EEFSEC: variants seen among roughly 807,000 people sequenced by gnomAD.
EEFSEC encodes eukaryotic elongation factor, selenocysteine-tRNA specific.
A neutral mutation model predicts 42.1 loss-of-function variants in EEFSEC; 43 were observed. The observed-to-expected ratio is 1.02, with a 90% CI of 0.80 to 1.32. The LOEUF (loss-of-function observed/expected upper bound fraction) is 1.32, where lower values mean the gene tolerates loss of function less well. Among genes scored for constraint, EEFSEC ranks in the 40% most tolerant of loss-of-function variants. The pLI is 0.00. For synonymous variants in EEFSEC, 354 were observed against 339.1 expected (o/e 1.04, Z -0.48); for missense variants, 745 against 803.6 (o/e 0.93, Z 0.88).
chr3:128,184,576 A>C (rs1366327169), intron 1 of EEFSEC, among the ~76,000 whole-genome samples: 1 of 152,232 alleles, frequency 6.6e-6, no homozygotes, highest in African/African-American at 2.4e-5. Flanking sequence ...GTAAGTATGT[A>C]AGTATCTATC....
At position 128,190,203 on chromosome 3, in the gene EEFSEC, G is replaced by A. The variant is rs114489372; in HGVS notation, c.316+36380G>A. On this transcript the variant is annotated intron_variant, in intron 1 of 6. Transcript: ENST00000254730. ...AACAACAAAAATTAACTGTAAAACAGCCTCAGGCAGGTCCTTCAGGATGTA... is the reference window on the plus strand; with the variant it reads ...AACAACAAAAATTAACTGTAAAACAACCTCAGGCAGGTCCTTCAGGATGTA... Among the ~76,000 whole-genome samples, 822 of 152,302 alleles carry A rather than the reference G, an allele frequency of 5.4e-3. 5 individuals are homozygous for A. The highest frequency in any genetic ancestry group is 0.019 in the African/African-American group (774 of 41,554).
intron 1 of EEFSEC, among the ~76,000 whole-genome samples, chr3:128,206,627 G>A (rs890921248): frequency 6.6e-6 from 1 of 152,218 alleles, no homozygotes; most frequent in Non-Finnish European, 1.5e-5. Context: ...TCTGTGTGAA[G>A]AGGTGAAAAC....
intron 4 of EEFSEC, among the ~76,000 whole-genome samples, chr3:128,280,714 C>T (rs966265314): frequency 3.1e-4 from 47 of 152,320 alleles, no homozygotes; most frequent in Admixed American, 5.9e-4. Context: ...AGCTGGGGCT[C>T]GCACAGCAAG....
At chr3:128,213,155 G>A (rs2065776442) in intron 1 of EEFSEC, among the ~76,000 whole-genome samples, 2 of 152,340 alleles carry the variant, frequency 1.3e-5, no homozygotes, top group Admixed American at 6.5e-5. Flanking sequence ...CGCTAGGTCC[G>A]AGACCTGGGT....
At chr3:128,211,490 A>G (rs1464776268) in intron 1 of EEFSEC, among the ~76,000 whole-genome samples, 3 of 152,096 alleles carry the variant, frequency 2.0e-5, no homozygotes, top group African/African-American at 7.2e-5. Flanking sequence ...ACATGTAAAA[A>G]TTTAGACTGA....
intron 6 of EEFSEC, among the ~76,000 whole-genome samples, chr3:128,377,998 A>G (rs992182542): frequency 6.6e-6 from 1 of 152,242 alleles, no homozygotes; most frequent in Non-Finnish European, 1.5e-5. Flanking sequence ...GTTTCTTTAA[A>G]GAGATTCAGA....
rs1450678083 is a variant in EEFSEC, at chr3:128,322,640, C to T, written c.787-18593C>T. On this transcript the variant is annotated intron_variant, in intron 4 of 6. Coordinates refer to ENST00000254730, the MANE Select transcript of EEFSEC (RefSeq NM_021937.5). The stretch of plus-strand genomic sequence containing the variant: ...TGCCAGAACATGTGAGATTGTGAGC[C>T]GTTCAGACATGAGAGTAGCGGCTGA... 2.0e-5 allele frequency among the ~76,000 whole-genome samples: 3 copies of T among 152,212 alleles called. 1 individual carries two copies. The highest frequency in any genetic ancestry group is 4.4e-5 in the Non-Finnish European group (3 of 68,032).
At chr3:128,372,553 G>C (rs967013316) in intron 6 of EEFSEC, among the ~76,000 whole-genome samples, 5 of 152,202 alleles carry the variant, frequency 3.3e-5, no homozygotes, top group Non-Finnish European at 5.9e-5. Context: ...AGGTGCTGGG[G>C]GTACAGAGGG....
chr3:128,356,462 T>C (rs956690514), intron 5 of EEFSEC, among the ~76,000 whole-genome samples: 2 of 152,128 alleles, frequency 1.3e-5, no homozygotes, highest in Admixed American at 1.3e-4. Flanking sequence ...AGGGCTGCAA[T>C]TGTCACCCTT....
At chr3:128,170,894 T>A (rs1040597325) in intron 1 of EEFSEC, among the ~76,000 whole-genome samples, 1 of 152,248 alleles carries the variant, frequency 6.6e-6, no homozygotes, top group African/African-American at 2.4e-5. Context: ...TCAGTTATGT[T>A]TGGTCTGATT....
At chr3:128,352,256 G>A (rs1285190475) in intron 5 of EEFSEC, among the ~76,000 whole-genome samples, 1 of 152,200 alleles carries the variant, frequency 6.6e-6, no homozygotes, top group African/African-American at 2.4e-5. Context: ...GCATCCTGTA[G>A]GAATGTAGGA....
intron 1 of EEFSEC, among the ~76,000 whole-genome samples, chr3:128,221,248 G>C (rs947145746): frequency 2.6e-5 from 4 of 152,224 alleles, no homozygotes; most frequent in African/African-American, 9.6e-5. Flanking sequence ...GGAGAAGCAA[G>C]AAAGGAGCAT....
intron 1 of EEFSEC, among the ~76,000 whole-genome samples, chr3:128,162,724 A>G (rs750634037): frequency 5.3e-5 from 8 of 152,150 alleles, no homozygotes; most frequent in Admixed American, 1.3e-4. Flanking sequence ...CTTGCCCTTG[A>G]GAACAAAACA....
intron 6 of EEFSEC, among the ~76,000 whole-genome samples, chr3:128,395,288 A>G (rs2067968274): frequency 6.6e-6 from 1 of 152,200 alleles, no homozygotes; most frequent in African/African-American, 2.4e-5. Flanking sequence ...ACCCTCAGCC[A>G]GGGCCTCAGC....
intron 4 of EEFSEC, among the ~76,000 whole-genome samples, chr3:128,332,114 T>G (rs2067140178): frequency 2.0e-5 from 3 of 152,172 alleles, no homozygotes; most frequent in African/African-American, 7.2e-5. Flanking sequence ...TATATGTTAT[T>G]GTATGTTTTT....
At chr3:128,417,144 C>T in the EEFSEC span, among the ~76,000 whole-genome samples, 1 of 152,126 alleles carries the variant, frequency 6.6e-6, no homozygotes, top group Non-Finnish European at 1.5e-5. This position sits in a 1 kb window ranked among gnomAD's most constrained non-coding sequence, Gnocchi z 4.3. Flanking sequence ...ATTGCCTCAC[C>T]CTGGTCTCCT....
chr3:128,233,702 C>T (rs1296590986), intron 1 of EEFSEC, among the ~76,000 whole-genome samples: 1 of 152,224 alleles, frequency 6.6e-6, no homozygotes, highest in Non-Finnish European at 1.5e-5. Flanking sequence ...CCCTCAGCCT[C>T]ATGGTGGGCA....
At chr3:128,403,638 C>T (rs2068073712) in intron 6 of EEFSEC, among the ~76,000 whole-genome samples, 1 of 152,214 alleles carries the variant, frequency 6.6e-6, no homozygotes, top group Non-Finnish European at 1.5e-5. Flanking sequence ...TGGAGCCAGG[C>T]CCTCGTACCG....
chr3:128,162,737 T>C (rs1375390438), intron 1 of EEFSEC, among the ~76,000 whole-genome samples: 1 of 152,034 alleles, frequency 6.6e-6, no homozygotes, highest in African/African-American at 2.4e-5. Flanking sequence ...ACAAAACATA[T>C]CAAAAGTTAA....
Sources: gnomAD v4.1 joint callset for allele counts (sites outside exome capture counted in the v4.1 genomes callset) on GRCh38, gnomAD v4.1.1 for gene constraint, Gnocchi (gnomAD v3.1) non-coding constraint, MANE v1.5 for transcripts, NCBI Gene and HGNC (gene_info 2026-07-23, HGNC 2026-07-21) for gene names.